ATF7IP2: variants seen among roughly 807,000 people sequenced by gnomAD.
ATF7IP2 encodes activating transcription factor 7-interacting protein 2.
In ATF7IP2, 42 loss-of-function variants were observed where a neutral mutation model predicts 64.2. That is an observed-to-expected ratio of 0.65 (90% CI 0.51 to 0.85). ATF7IP2 has a LOEUF of 0.85. Among genes scored for constraint, ATF7IP2 ranks in the 40% least tolerant of loss-of-function variants. The pLI is 0.00. For missense variants in ATF7IP2, 933 were observed against 784.2 expected (o/e 1.19, Z -2.27); for synonymous variants, 308 against 272.8 (o/e 1.13, Z -1.27).
At chr16:10,401,383 T>C (rs989542044) in intron 1 of ATF7IP2, among the ~76,000 whole-genome samples, 7 of 152,150 alleles carry the variant, frequency 4.6e-5, no homozygotes, top group Non-Finnish European at 1.0e-4. Context: ...TTGGCCAGGC[T>C]GGTCTCGAAC....
chr16:10,396,814 T>A (rs1226787125), intron 1 of ATF7IP2, among the ~76,000 whole-genome samples: 2 of 82,140 alleles, frequency 2.4e-5, no homozygotes, highest in African/African-American at 1.2e-4. Flanking sequence ...CATGCCTGAC[T>A]AATTAAAAAA....
chr16:10,453,937 G>A (rs529900434), intron 8 of ATF7IP2: 28 of 151,876 alleles, frequency 1.8e-4, no homozygotes, highest in African/African-American at 6.8e-4. Context: ...CACTACGCCT[G>A]GCCCACAGCT....
chr16:10,401,271 G>A (rs551153386), intron 1 of ATF7IP2, among the ~76,000 whole-genome samples: 5 of 151,934 alleles, frequency 3.3e-5, no homozygotes, highest in African/African-American at 9.7e-5. Flanking sequence ...AGGTTCAAGC[G>A]ATTCTCCTGC....
intron 12 of ATF7IP2, among the ~76,000 whole-genome samples, chr16:10,475,722 G>GAAAAAAAAAAAAAAAAAAAAAACA (rs2049982063): frequency 2.4e-5 from 1 of 41,644 alleles, no homozygotes; most frequent in Non-Finnish European, 4.0e-5. Flanking sequence ...TAAGAAGCCA[G>GAAAAAAAAAAAAAAAAAAAAAACA]AAAAAAAAAA....
intron 1 of ATF7IP2, among the ~76,000 whole-genome samples, chr16:10,403,362 G>A (rs1234303933): frequency 6.6e-6 from 1 of 152,092 alleles, no homozygotes; most frequent in Non-Finnish European, 1.5e-5. Context: ...TGGCATTTGA[G>A]AAAACCACCA....
chr16:10,411,596 T>C (rs1327116982), intron 1 of ATF7IP2, among the ~76,000 whole-genome samples: 2 of 152,138 alleles, frequency 1.3e-5, no homozygotes, highest in African/African-American at 4.8e-5. Context: ...TTTGAACTCC[T>C]GACCTCTGGT....
At chr16:10,412,042 A>T (rs1220975417) in intron 1 of ATF7IP2, among the ~76,000 whole-genome samples, 137 of 38,166 alleles carry the variant, frequency 3.6e-3, no homozygotes, top group Non-Finnish European at 5.2e-3. Flanking sequence ...TTTTTTTTAC[A>T]CTTTTAAGTT....
chr16:10,469,810 C>T (rs1451244175), intron 9 of ATF7IP2, among the ~76,000 whole-genome samples: 1 of 151,660 alleles, frequency 6.6e-6, no homozygotes, highest in Non-Finnish European at 1.5e-5. Context: ...AAGAATGGCA[C>T]CATACTTCTT....
intron 7 of ATF7IP2, among the ~76,000 whole-genome samples, chr16:10,439,093 A>C (rs2048521415): frequency 6.6e-6 from 1 of 151,608 alleles, no homozygotes; most frequent in African/African-American, 2.4e-5. Flanking sequence ...AAACCTAAAT[A>C]TATCCTTTAT....
intron 3 of ATF7IP2, among the ~76,000 whole-genome samples, chr16:10,421,090 T>G (rs1186145928): frequency 6.6e-6 from 1 of 152,242 alleles, no homozygotes; most frequent in Non-Finnish European, 1.5e-5. Flanking sequence ...TTGCTGTATT[T>G]GTGCCTTTGT....
At position 10,434,769 on chromosome 16, in the gene ATF7IP2, A is replaced by G. The variant is rs145583612; in HGVS notation, c.960+1120A>G. On this transcript the variant is annotated intron_variant, in intron 6 of 13. Transcript: ENST00000562102. ...ATTCCAGCTGTGTCTTGTTTCCAGT[A>G]ATTAGTAGCTGAAGTGAGAAGTAAG... Among the ~76,000 whole-genome samples the G allele has an allele frequency of 1.0e-3, 158 of 152,220 alleles. 1 individual carries two copies. Among genetic ancestry groups the G allele is most frequent in the African/African-American group, 3.7e-3 (153 of 41,536 alleles).
chr16:10,412,116 C>A (rs1327580831), intron 1 of ATF7IP2, among the ~76,000 whole-genome samples: 1 of 136,486 alleles, frequency 7.3e-6, no homozygotes. Flanking sequence ...TGTTGGTTTG[C>A]TGCACCCATT....
At chr16:10,452,834 G>T (rs1228786851) in intron 8 of ATF7IP2, among the ~76,000 whole-genome samples, 1 of 152,218 alleles carries the variant, frequency 6.6e-6, no homozygotes, top group East Asian at 1.9e-4. Context: ...TTGCCGAGCT[G>T]CAGTGGGCTC....
At chr16:10,421,605 T>G (rs1049304329) in intron 3 of ATF7IP2, among the ~76,000 whole-genome samples, 6 of 151,964 alleles carry the variant, frequency 3.9e-5, no homozygotes, top group African/African-American at 9.7e-5. Flanking sequence ...GAGTAAGGAG[T>G]AGTAGTCTGA....
At chr16:10,473,813 C>T (rs940591153) in intron 11 of ATF7IP2, 110 bp from the exon 12 acceptor site, 28 of 720,742 alleles carry the variant, frequency 3.9e-5, no homozygotes, top group Non-Finnish European at 5.8e-5. Flanking sequence ...CTCTAGTTTC[C>T]GAATGGTGAT....
chr16:10,480,687 G>T (rs565542618), intron 12 of ATF7IP2, among the ~76,000 whole-genome samples, 192 bp from the exon 13 acceptor site: 1 of 150,506 alleles, frequency 6.6e-6, no homozygotes, highest in East Asian at 1.9e-4. Flanking sequence ...GGGAATTTTT[G>T]TCACCTTAAA....
Position 10,433,689 on chromosome 16 carries a change from T to G in ATF7IP2, c.960+40T>G, listed in dbSNP as rs772561259. ...CTTAAATGGAACTTTTACTTTTGAT[T>G]AGTAAAACATGGTAAAAGTTAATTA... On this transcript the variant is annotated intron_variant, in intron 6 of 13. Transcript: ENST00000562102. 1.9e-6 allele frequency: 3 copies of G among 1,600,588 alleles called. No homozygotes were observed. The African/African-American group carries it at 4.0e-5, about 22-fold the overall frequency.
At chr16:10,420,091 G>A (rs1222493537) in intron 3 of ATF7IP2, among the ~76,000 whole-genome samples, 1 of 152,160 alleles carries the variant, frequency 6.6e-6, no homozygotes, top group African/African-American at 2.4e-5. Context: ...TTCCACAATG[G>A]GTTGTCCTTG....
chr16:10,481,159 CT>C (rs1052646766), intron 13 of ATF7IP2, among the ~76,000 whole-genome samples, 195 bp downstream of exon 13: 7 of 152,182 alleles, frequency 4.6e-5, no homozygotes, highest in African/African-American at 1.4e-4. Context: ...AAAACAAATA[CT>C]TTTTTTATTG....
Sources: gnomAD v4.1 joint callset for allele counts (sites outside exome capture counted in the v4.1 genomes callset) on GRCh38, gnomAD v4.1.1 for gene constraint, MANE v1.5 for transcripts, NCBI Gene and HGNC (gene_info 2026-07-23, HGNC 2026-07-21) for gene names.